Variants in PSMF1 observed in about 807,000 individuals in gnomAD.
PSMF1 encodes the protein proteasome inhibitor PI31 subunit.
PSMF1 carries 30 observed loss-of-function variants against 29.3 expected under a neutral mutation model. The observed-to-expected ratio is 1.02, with a 90% CI of 0.77 to 1.39. The LOEUF (loss-of-function observed/expected upper bound fraction) is 1.39. Ranked by LOEUF, PSMF1 falls within the 40% of genes most tolerant of loss-of-function variation. PSMF1 has a pLI of 0.00. For missense variants in PSMF1, 344 were observed against 357.5 expected (o/e 0.96, Z 0.31); for synonymous variants, 134 against 139.7 (o/e 0.96, Z 0.29).
rs538745024 is a variant in PSMF1 at position 1,144,784 on chromosome 20, G to A, written c.551+9478G>A. ...AGGGGTTATGAGGGCAGGGCTGTAG[G>A]TGTGGTTATTAAGGGGAGTAGCATG... On this transcript the variant is annotated intron_variant, in intron 4 of 6. Transcript: ENST00000335877. 3.7e-4 allele frequency among the ~76,000 whole-genome samples: 57 copies of A among 152,334 alleles called. 2 individuals are homozygous for A. In the South Asian group the frequency reaches 0.011, roughly 30 times the overall value.
In PSMF1 at chr20:1,166,320, G is replaced by A. The variant is rs757197798; in HGVS notation, c.*1240G>A. Reference sequence around the variant, plus strand: ...AGGCTAAGAGGCACGAGATCAAGGCGGTAGTCACTTCCGCTCTGCAGCTAG... The same window carrying A: ...AGGCTAAGAGGCACGAGATCAAGGCAGTAGTCACTTCCGCTCTGCAGCTAG... On this transcript the variant is annotated 3_prime_UTR_variant, in exon 7 of 7. Coordinates refer to ENST00000335877, the MANE Select transcript of PSMF1 (RefSeq NM_006814.5). 141 of 1,504,020 alleles carry A rather than the reference G, an allele frequency of 9.4e-5. No homozygotes were observed. Among genetic ancestry groups the A allele is most frequent in the Middle Eastern group, 3.4e-4 (2 of 5,844 alleles). The allele number at this position is 1,504,020 out of a possible 1,614,324, so 93.2% of individuals were successfully genotyped here. A position where few individuals can be genotyped will look rare whatever the true frequency, so the allele number is the denominator to read the frequency against.
intron 4 of PSMF1, among the ~76,000 whole-genome samples, chr20:1,152,551 G>A (rs990418363): frequency 3.3e-5 from 5 of 152,206 alleles, no homozygotes; most frequent in African/African-American, 1.2e-4. Flanking sequence ...CAGGAGAATG[G>A]GAAGCCACTG....
intron 4 of PSMF1, among the ~76,000 whole-genome samples, chr20:1,159,057 CAAA>C (rs759292496): frequency 7.2e-5 from 5 of 69,904 alleles, no homozygotes; most frequent in Non-Finnish European, 8.9e-5. Flanking sequence ...CTCCGTCTCA[CAAA>C]AAAAAAAAAA....
At position 1,118,800 on chromosome 20, in the gene PSMF1, A is replaced by T. The variant is rs535749093; in HGVS notation, c.27A>T (p.Ala9=). MAGLEVLF[A]SAAPAITCRQ... ...TGGCGGGCCTGGAGGTACTGTTCGC[A>T]TCGGCAGCGCCGGCCATCACCTGCA... The change falls in exon 1 of 7, where the codon GCA becomes GCT. Residue 9 remains alanine, a synonymous_variant. Coordinates refer to ENST00000335877, the MANE Select transcript of PSMF1 (RefSeq NM_006814.5). 1.2e-6 allele frequency: 2 copies of T among 1,613,154 alleles called. No homozygotes were observed. Among genetic ancestry groups the T allele is most frequent in the South Asian group, 1.1e-5 (1 of 91,050 alleles).
At chr20:1,137,216 T>A (rs1385644470) in intron 4 of PSMF1, among the ~76,000 whole-genome samples, 1 of 152,154 alleles carries the variant, frequency 6.6e-6, no homozygotes, top group Non-Finnish European at 1.5e-5. Flanking sequence ...AGTATAGAAT[T>A]GTGAAAGTAA....
rs774816304 is a variant in PSMF1, at chr20:1,135,034, C to T, written c.366-87C>T. ...GCAATGCCAGGAGCTATCAGGGCCG[C>T]CGCCGCCGCCGTCGTTGCAGCCAGA... On this transcript the variant is annotated intron_variant, in intron 3 of 6. Transcript: ENST00000335877. 4.3e-6 allele frequency: 6 copies of T among 1,399,992 alleles called. No individual in the cohort carries two copies. In the South Asian group the frequency reaches 4.7e-5, roughly 11 times the overall value. 86.7% of individuals were successfully genotyped at this position (1,399,992 alleles called of 1,614,324 possible). A position where few individuals can be genotyped will look rare whatever the true frequency, so the allele number is the denominator to read the frequency against.
intron 1 of PSMF1, among the ~76,000 whole-genome samples, chr20:1,123,341 TCATCTCCGGTCCCACTCCCTC>T (rs975472408): frequency 2.6e-5 from 4 of 152,136 alleles, no homozygotes; most frequent in Non-Finnish European, 5.9e-5. Context: ...TCCATTTTCT[TCATCTCCGGTCCCACTCCCTC>T]CCGCTGTATT....
chr20:1,165,212 A>T lies in PSMF1; in HGVS notation c.*132A>T. 4 of 1,514,672 alleles carry T rather than the reference A, an allele frequency of 2.6e-6. No homozygotes were observed. The highest frequency in any genetic ancestry group is 3.5e-6 in the Non-Finnish European group (4 of 1,129,464). 93.8% of individuals were successfully genotyped at this position (1,514,672 alleles called of 1,614,324 possible). On this transcript the variant is annotated 3_prime_UTR_variant, in exon 7 of 7. Transcript: ENST00000335877. Reference sequence around the variant, plus strand: ...CTCATGTGTTTGCAGACCGGCTGGGATAGCCTCCCCACCCCTTATCAGAGC... The same window carrying T: ...CTCATGTGTTTGCAGACCGGCTGGGTTAGCCTCCCCACCCCTTATCAGAGC...
intron 3 of PSMF1, among the ~76,000 whole-genome samples, chr20:1,133,569 A>ATATATATTTTTTTT: frequency 1.9e-5 from 1 of 53,284 alleles, no homozygotes. Context: ...ATATATATAT[A>ATATATATTTTTTTT]TTTTTTTTTT....
intron 1 of PSMF1, among the ~76,000 whole-genome samples, chr20:1,124,628 G>A (rs2086130856): frequency 1.3e-5 from 2 of 152,172 alleles, no homozygotes; most frequent in East Asian, 1.9e-4. Context: ...CAAATAAGCT[G>A]GAAATACTCC....
At chr20:1,139,408 G>A (rs2086351724) in intron 4 of PSMF1, among the ~76,000 whole-genome samples, 2 of 152,180 alleles carry the variant, frequency 1.3e-5, no homozygotes, top group South Asian at 4.2e-4. Context: ...GAAAAATAAG[G>A]GGTATCCAGA....
chr20:1,130,978 A>G (rs1438048451), intron 3 of PSMF1, among the ~76,000 whole-genome samples: 1 of 152,138 alleles, frequency 6.6e-6, no homozygotes, highest in African/African-American at 2.4e-5. Context: ...TTCTGCATGC[A>G]ATAGACAAAG....
chr20:1,151,958 T>C (rs530148429), intron 4 of PSMF1, among the ~76,000 whole-genome samples: 5 of 152,260 alleles, frequency 3.3e-5, no homozygotes, highest in Non-Finnish European at 5.9e-5. Flanking sequence ...AAGATGAACA[T>C]GAGGGCCAAA....
intron 4 of PSMF1, among the ~76,000 whole-genome samples, chr20:1,147,176 TCAC>T (rs3034799): frequency 0.019 from 2,489 of 132,386 alleles, 63 homozygotes; most frequent in African/African-American, 0.068. Flanking sequence ...ATCATCATCA[TCAC>T]CACCCTGTGT....
In PSMF1 at chr20:1,163,443, A is replaced by T. The variant is rs957990173; in HGVS notation, c.605+260A>T. Among the ~76,000 whole-genome samples, 9 of 152,098 alleles carry T rather than the reference A, an allele frequency of 5.9e-5. No individual in the cohort carries two copies. The highest frequency in any genetic ancestry group is 1.9e-4 in the African/African-American group (8 of 41,414). ...CTGCCATTTCCCGGTCCCCCTGCCCACCCTAGTTTATCAGATGTATAGTGA... is the reference window on the plus strand; with the variant it reads ...CTGCCATTTCCCGGTCCCCCTGCCCTCCCTAGTTTATCAGATGTATAGTGA... On this transcript the variant is annotated intron_variant, in intron 5 of 6. Coordinates refer to ENST00000335877, the MANE Select transcript of PSMF1 (RefSeq NM_006814.5). This position sits in a 1 kb window ranked among gnomAD's most constrained non-coding sequence, Gnocchi z 6.1.
In PSMF1 at chr20:1,150,870, T is replaced by C. The variant is rs150115096; in HGVS notation, c.552-12260T>C. On this transcript the variant is annotated intron_variant, in intron 4 of 6. Transcript: ENST00000335877. ...TGCCAAGGTCATGGAGAAATCCTCA[T>C]ATATTTTCTCCTAGAAGCTTTAATG... is the stretch of plus-strand genomic sequence containing the variant. 1.8e-3 allele frequency among the ~76,000 whole-genome samples: 270 copies of C among 152,334 alleles called. 1 individual carries two copies. The highest frequency in any genetic ancestry group is 6.0e-3 in the African/African-American group (250 of 41,584).
Position 1,145,585 on chromosome 20 carries a change from G to C in PSMF1, c.551+10279G>C, listed in dbSNP as rs556879808. 1.1e-4 allele frequency among the ~76,000 whole-genome samples: 17 copies of C among 152,292 alleles called. 1 individual carries two copies. The East Asian group carries it at 3.3e-3, about 29-fold the overall frequency. On this transcript the variant is annotated intron_variant, in intron 4 of 6. Coordinates refer to ENST00000335877, the MANE Select transcript of PSMF1 (RefSeq NM_006814.5). Reference sequence around the variant, plus strand: ...GTGGAGCTAGAGCCAGGCAGGGGTCGTTAAGTGGGTTGCTGAGACCAGGTC... The same window carrying C: ...GTGGAGCTAGAGCCAGGCAGGGGTCCTTAAGTGGGTTGCTGAGACCAGGTC...
intron 2 of PSMF1, chr20:1,125,863 C>CT (rs2086149109): frequency 2.8e-6 from 2 of 719,346 alleles, no homozygotes; most frequent in African/African-American, 3.5e-5. Context: ...GAAGGAGGGG[C>CT]TTTCTGTCAA....
upstream of PSMF1, among the ~76,000 whole-genome samples, chr20:1,114,041 A>C (rs1198522755): frequency 6.6e-6 from 1 of 152,158 alleles, no homozygotes; most frequent in Non-Finnish European, 1.5e-5. Flanking sequence ...GGGGTGTGGG[A>C]GGACAGAGCA....
Sources: gnomAD v4.1 joint callset for allele counts (sites outside exome capture counted in the v4.1 genomes callset) on GRCh38, gnomAD v4.1.1 for gene constraint, Gnocchi (gnomAD v3.1) non-coding constraint, MANE v1.5 for transcripts, NCBI Gene and HGNC (gene_info 2026-07-23, HGNC 2026-07-21) for gene names.